NELL2: variants seen among roughly 807,000 people sequenced by gnomAD.
NELL2 encodes the protein protein kinase C-binding protein NELL2.
In NELL2, 41 loss-of-function variants were observed where a neutral mutation model predicts 109.6. The observed-to-expected ratio is 0.37, with a 90% CI of 0.29 to 0.49. NELL2 has a LOEUF of 0.49. NELL2 is among the 20% of genes least tolerant of loss of function. NELL2 has a pLI of 0.98. For synonymous variants in NELL2, 355 were observed against 344.7 expected (o/e 1.03, Z -0.33); for missense variants, 900 against 1,008.3 (o/e 0.89, Z 1.45).
intron 13 of NELL2, among the ~76,000 whole-genome samples, chr12:44,648,080 C>T (rs1233027809): frequency 6.6e-6 from 1 of 152,022 alleles, no homozygotes; most frequent in Non-Finnish European, 1.5e-5. Context: ...TTGGAGGGGG[C>T]TCCACTGTGT....
chr12:44,920,136 A>G (rs2136899721), intron 1 of NELL2, among the ~76,000 whole-genome samples: 1 of 152,332 alleles, frequency 6.6e-6, no homozygotes, highest in Middle Eastern at 3.4e-3. Context: ...TAATAGAATG[A>G]GAAAACAGAA....
At chr12:44,770,659 T>C (rs1463979430) in intron 9 of NELL2, among the ~76,000 whole-genome samples, 1 of 152,248 alleles carries the variant, frequency 6.6e-6, no homozygotes, top group African/African-American at 2.4e-5. Context: ...TTTATTCATA[T>C]AATTCTGGAC....
intron 5 of NELL2, among the ~76,000 whole-genome samples, chr12:44,778,887 A>T (rs1490571928): frequency 6.6e-6 from 1 of 152,198 alleles, no homozygotes; most frequent in Non-Finnish European, 1.5e-5. Context: ...AGAATTATAA[A>T]CTTTGCTTAG....
At chr12:44,894,739 C>A (rs1397623036) in intron 1 of NELL2, among the ~76,000 whole-genome samples, 1 of 152,088 alleles carries the variant, frequency 6.6e-6, no homozygotes, top group East Asian at 1.9e-4. Flanking sequence ...TTATTCTTCC[C>A]TGCTTCTAAC....
intron 9 of NELL2, among the ~76,000 whole-genome samples, chr12:44,753,620 C>T (rs1261698715): frequency 6.6e-6 from 1 of 152,044 alleles, no homozygotes; most frequent in African/African-American, 2.4e-5. Context: ...ATTTTTAATA[C>T]TTTGTTTCAG....
chr12:44,866,072 C>G (rs1372919348), intron 2 of NELL2, among the ~76,000 whole-genome samples: 1 of 152,120 alleles, frequency 6.6e-6, no homozygotes, highest in Admixed American at 6.5e-5. Context: ...GTCTCTTGCC[C>G]TTCTGCCATG....
chr12:44,753,607 C>T (rs12830054), intron 9 of NELL2, among the ~76,000 whole-genome samples: 19,639 of 152,042 alleles, frequency 0.13, 1,507 homozygotes, highest in East Asian at 0.23. Context: ...CCTCACATGC[C>T]CTATTTTTAA....
chr12:44,618,631 C>T (rs1945922926), intron 13 of NELL2, among the ~76,000 whole-genome samples: 1 of 152,152 alleles, frequency 6.6e-6, no homozygotes, highest in South Asian at 2.1e-4. Flanking sequence ...TCAGCTATAT[C>T]ATTCTAGTGC....
rs150229503 is a variant in NELL2, at chr12:44,740,271, A to G, written c.995-25530T>C. ...ACAGATACGTACAGTATATCAGATG[A>G]TATACTGATGTTTCCTTTATTACTC... On this transcript the variant is annotated intron_variant, in intron 9 of 19. Coordinates refer to ENST00000429094, the MANE Select transcript of NELL2 (RefSeq NM_001145108.2). 3.7e-4 allele frequency among the ~76,000 whole-genome samples: 57 copies of G among 152,234 alleles called. No homozygotes were observed. The East Asian group carries it at 9.7e-3, about 26-fold the overall frequency.
intron 1 of NELL2, among the ~76,000 whole-genome samples, chr12:44,882,261 T>C (rs1466278619): frequency 2.0e-5 from 3 of 151,780 alleles, no homozygotes; most frequent in African/African-American, 4.9e-5. Context: ...TTGATGGTTA[T>C]ATTATTTTTC....
At chr12:44,869,045 A>G (rs1431442008) in intron 2 of NELL2, among the ~76,000 whole-genome samples, 1 of 152,172 alleles carries the variant, frequency 6.6e-6, no homozygotes, top group African/African-American at 2.4e-5. Context: ...AACATAAAAC[A>G]AAAACAAAAG....
intron 15 of NELL2, among the ~76,000 whole-genome samples, chr12:44,581,026 G>A (rs530510538): frequency 2.0e-5 from 3 of 152,228 alleles, no homozygotes; most frequent in African/African-American, 4.8e-5. Flanking sequence ...TGTAATATTT[G>A]CATGGGACAA....
chr12:44,860,682 G>C (rs1944813849), intron 2 of NELL2, among the ~76,000 whole-genome samples: 1 of 135,566 alleles, frequency 7.4e-6, no homozygotes, highest in East Asian at 2.2e-4. Flanking sequence ...ATTACATTGG[G>C]CCCAGCTAGA....
At chr12:44,906,781 A>G (rs1211247469) in intron 1 of NELL2, among the ~76,000 whole-genome samples, 2 of 152,114 alleles carry the variant, frequency 1.3e-5, no homozygotes, top group African/African-American at 4.8e-5. Context: ...AATATGTCCA[A>G]ATAGAAATAC....
At chr12:44,895,643 G>A (rs1421380914) in intron 1 of NELL2, among the ~76,000 whole-genome samples, 2 of 152,032 alleles carry the variant, frequency 1.3e-5, no homozygotes, top group Non-Finnish European at 2.9e-5. Context: ...TTACCCCAGG[G>A]AGATTCTAAT....
chr12:44,680,919 G>A (rs1948474723), intron 12 of NELL2, among the ~76,000 whole-genome samples: 1 of 151,940 alleles, frequency 6.6e-6, no homozygotes, highest in Non-Finnish European at 1.5e-5. Context: ...TCATTTCATT[G>A]TTTTTCCCAC....
intron 15 of NELL2, among the ~76,000 whole-genome samples, chr12:44,563,181 G>A (rs1943533202): frequency 1.3e-5 from 2 of 152,070 alleles, no homozygotes; most frequent in Non-Finnish European, 2.9e-5. Flanking sequence ...GGGAGACAGG[G>A]GAGGGATAGC....
intron 19 of NELL2, 112 bp from the exon 20 acceptor site, chr12:44,509,096 T>C (rs1369954568): frequency 6.0e-6 from 5 of 837,316 alleles, no homozygotes; most frequent in Non-Finnish European, 9.5e-6. Flanking sequence ...TATTTCTGCA[T>C]TCCTAAAAAT....
chr12:44,655,592 T>C (rs997826036), intron 13 of NELL2, among the ~76,000 whole-genome samples: 1 of 152,238 alleles, frequency 6.6e-6, no homozygotes, highest in Non-Finnish European at 1.5e-5. Flanking sequence ...GTCTCACTTC[T>C]GTTCTCTGTG....
Sources: allele counts gnomAD v4.1 joint callset (sites outside exome capture counted in the v4.1 genomes callset), GRCh38; gene constraint gnomAD v4.1.1; transcripts MANE v1.5; gene names NCBI Gene and HGNC (gene_info 2026-07-23, HGNC 2026-07-21).